Variants in CTBP1 observed in about 807,000 individuals in gnomAD.
CTBP1 encodes C-terminal binding protein 1.
CTBP1 carries 11 observed loss-of-function variants against 42.1 expected under a neutral mutation model. That is an observed-to-expected ratio of 0.26 (90% CI 0.16 to 0.43). CTBP1 has a LOEUF of 0.43. CTBP1 is among the 20% of genes least tolerant of loss of function. The pLI is 1.00. For missense variants in CTBP1, 399 were observed against 624.3 expected, an observed-to-expected ratio of 0.64 and a Z score of 3.85; for synonymous variants, 324 against 277.1, an observed-to-expected ratio of 1.17 and a Z score of -1.68.
intron 1 of CTBP1, among the ~76,000 whole-genome samples, chr4:1,247,485 G>T (rs1419060752): frequency 6.6e-6 from 1 of 152,166 alleles, no homozygotes; most frequent in Non-Finnish European, 1.5e-5. Flanking sequence ...GAGGCCGGGT[G>T]CTGAGGCCCA....
intron 7 of CTBP1, 27 bp from the exon 8 acceptor site, chr4:1,213,632 G>A: frequency 6.2e-7 from 1 of 1,606,380 alleles, no homozygotes; most frequent in Non-Finnish European, 8.5e-7. Flanking sequence ...CATGGTCAGT[G>A]CAGCCTGAGT....
intron 5 of CTBP1, chr4:1,223,377 G>A (rs1729961500): frequency 2.2e-6 from 1 of 450,890 alleles, no homozygotes; most frequent in Non-Finnish European, 4.5e-6. Flanking sequence ...GGAAGAGACA[G>A]GCACGTGTTC....
chr4:1,246,853 T>C (rs1358480064), intron 1 of CTBP1, among the ~76,000 whole-genome samples: 2 of 148,104 alleles, frequency 1.4e-5, no homozygotes, highest in Non-Finnish European at 3.0e-5. Context: ...AAAAATTTAT[T>C]AACAGAATGA....
chr4:1,220,248 G>A (rs1363204448), intron 5 of CTBP1, among the ~76,000 whole-genome samples: 6 of 144,046 alleles, frequency 4.2e-5, no homozygotes, highest in African/African-American at 5.2e-5. Context: ...CCGAAATCAC[G>A]CCACTGTACT....
rs113429447 is a variant in CTBP1, at chr4:1,219,537, A to T, written c.515-3332T>A. Among the ~76,000 whole-genome samples, 435 of 152,366 alleles carry T rather than the reference A, an allele frequency of 2.9e-3. 1 individual carries two copies. Among genetic ancestry groups the T allele is most frequent in the African/African-American group, 9.9e-3 (413 of 41,584 alleles). ...AAATGTCAGAAACTTTTTCTCCCACATCAACACGGTAACACCCACACTCAC... is the reference window on the plus strand; with the variant it reads ...AAATGTCAGAAACTTTTTCTCCCACTTCAACACGGTAACACCCACACTCAC... On this transcript the variant is annotated intron_variant, in intron 5 of 9. Coordinates refer to ENST00000382952, the MANE Select transcript of CTBP1 (RefSeq NM_001012614.2).
chr4:1,243,386 C>T lies in CTBP1; in HGVS notation c.-188-1867G>A, dbSNP rs748461921. The stretch of plus-strand genomic sequence containing the variant: ...TGGGGCCCTGCACTCCCTGGGCTAG[C>T]CCTGCCAGACCTGAGGGGCTGCACC... On this transcript the variant is annotated intron_variant, in intron 1 of 9. Transcript: ENST00000382952. 10 of 985,262 alleles carry T rather than the reference C, an allele frequency of 1.0e-5. No homozygotes were observed. In the South Asian group the frequency reaches 2.8e-4, roughly 28 times the overall value. The allele number at this position is 985,262 out of a possible 1,614,324, so 61.0% of individuals were successfully genotyped here.
intron 5 of CTBP1, among the ~76,000 whole-genome samples, chr4:1,219,706 ATC>A (rs1207382286): frequency 2.0e-5 from 3 of 152,234 alleles, no homozygotes; most frequent in Non-Finnish European, 4.4e-5. Context: ...ATTCAAGAGA[ATC>A]TGTTTTTGGC....
At chr4:1,218,667 G>A (rs987898437) in intron 5 of CTBP1, 2 of 152,190 alleles carry the variant, frequency 1.3e-5, no homozygotes, top group African/African-American at 4.8e-5. Flanking sequence ...AAATCGGCCC[G>A]AGGGTGAGAG....
At chr4:1,247,259 G>A (rs1348557984) in intron 1 of CTBP1, among the ~76,000 whole-genome samples, 1 of 152,228 alleles carries the variant, frequency 6.6e-6, no homozygotes, top group Non-Finnish European at 1.5e-5. Flanking sequence ...GGCCGGGCAG[G>A]CGGACGAGGC....
In CTBP1 at chr4:1,247,012, G is replaced by A. The variant is rs369586371; in HGVS notation, c.-189+1904C>T. Among the ~76,000 whole-genome samples the A allele has an allele frequency of 1.1e-4, 16 of 152,302 alleles. No homozygotes were observed. In the East Asian group the frequency reaches 3.1e-3, roughly 29 times the overall value. On this transcript the variant is annotated intron_variant, in intron 1 of 9. Transcript: ENST00000382952. ...GCTCTGCGCCAAGCCCACAGGACTG[G>A]ACCAAGGCTCGTCCCACTCATCAGA...
At chr4:1,216,278 C>T (rs1462576607) in intron 5 of CTBP1, 73 bp from the exon 6 acceptor site, 11 of 1,436,180 alleles carry the variant, frequency 7.7e-6, no homozygotes, top group Admixed American at 6.2e-5. Context: ...AAGCCAGGGT[C>T]GGAGTGGCCT....
At chr4:1,245,065 AGAC>A in intron 1 of CTBP1, 1 of 983,960 alleles carries the variant, frequency 1.0e-6, no homozygotes, top group Non-Finnish European at 1.2e-6. Flanking sequence ...TCCCCCAGAC[AGAC>A]AAGGCCCGTC....
Position 1,212,342 on chromosome 4 carries a change from C to G in CTBP1, c.1188G>C (p.Leu396=). ...VEGIVPSAMS[L]SHGLPPVAHP... is the part of the protein sequence containing the mutation. ...GGGCCACAGGGGGCAGGCCGTGGGA[C>G]AGGGACATGGCGCTGGGGACGATAC... Residue 396 remains leucine, a synonymous_variant, in exon 10 of 10, where the codon CTG becomes CTC. Coordinates refer to ENST00000382952, the MANE Select transcript of CTBP1 (RefSeq NM_001012614.2). 1 of 1,519,362 alleles carries G rather than the reference C, an allele frequency of 6.6e-7. No individual in the cohort carries two copies. The highest frequency in any genetic ancestry group is 1.3e-5 in the South Asian group (1 of 79,614). The allele number at this position is 1,519,362 out of a possible 1,614,324, so 94.1% of individuals were successfully genotyped here. A position where few individuals can be genotyped will look rare whatever the true frequency, so the allele number is the denominator to read the frequency against.
At chr4:1,222,617 G>A (rs553967730) in intron 5 of CTBP1, among the ~76,000 whole-genome samples, 12 of 152,274 alleles carry the variant, frequency 7.9e-5, no homozygotes, top group East Asian at 5.8e-4. Context: ...AGGCCTGGGC[G>A]GGGGCCCTGG....
At chr4:1,224,114 G>A (rs890309293) in intron 5 of CTBP1, among the ~76,000 whole-genome samples, 1 of 152,260 alleles carries the variant, frequency 6.6e-6, no homozygotes, top group East Asian at 1.9e-4. Flanking sequence ...CAAGGGGCGA[G>A]CACATGCTAG....
Position 1,211,897 on chromosome 4 carries a change from A to G in CTBP1, c.*343T>C, listed in dbSNP as rs993944421. On this transcript the variant is annotated 3_prime_UTR_variant, in exon 10 of 10. Coordinates refer to ENST00000382952, the MANE Select transcript of CTBP1 (RefSeq NM_001012614.2). ...AAAAAAAACAAAAAAAAAAACCTCA[A>G]ATTGACTTCCAAATGCTCCTTCAGG... The G allele has an allele frequency of 1.4e-5, 3 of 208,466 alleles. No individual in the cohort carries two copies. Among genetic ancestry groups the G allele is most frequent in the African/African-American group, 2.3e-5 (1 of 43,540 alleles). The allele number at this position is 208,466 out of a possible 1,614,324, so 12.9% of individuals were successfully genotyped here. A position where few individuals can be genotyped will look rare whatever the true frequency, so the allele number is the denominator to read the frequency against.
At chr4:1,219,081 C>G (rs1051552683) in intron 5 of CTBP1, among the ~76,000 whole-genome samples, 2 of 152,136 alleles carry the variant, frequency 1.3e-5, no homozygotes, top group African/African-American at 4.8e-5. Context: ...CCCGTAATCC[C>G]AGCACTTTGG....
At chr4:1,231,935 A>G (rs1250112) in intron 3 of CTBP1, among the ~76,000 whole-genome samples, 118,592 of 152,306 alleles carry the variant, frequency 0.78, 47,262 homozygotes, top group South Asian at 0.91. Context: ...GTGAGAACCC[A>G]GGAGGCGCAC....
chr4:1,212,572 G>A (rs1240635589), intron 9 of CTBP1, 149 bp from the exon 10 acceptor site: 2 of 722,806 alleles, frequency 2.8e-6, no homozygotes, highest in Non-Finnish European at 4.3e-6. Flanking sequence ...GGATGTTCCT[G>A]CCTATGGCAG....
Sources: gnomAD v4.1 joint callset for allele counts (sites outside exome capture counted in the v4.1 genomes callset) on GRCh38, gnomAD v4.1.1 for gene constraint, MANE v1.5 for transcripts, NCBI Gene and HGNC (gene_info 2026-07-23, HGNC 2026-07-21) for gene names.